The following CAST variants were observed in gnomAD, a reference collection of about 807,000 sequenced individuals.
CAST encodes the protein MIR583 host.
In CAST, 76 loss-of-function variants were observed where a neutral mutation model predicts 119.6. That is an observed-to-expected ratio of 0.64 (90% confidence interval 0.53 to 0.77). CAST has a LOEUF of 0.77. CAST is among the 30% of genes least tolerant of loss of function. The pLI is 0.00. For missense variants in CAST, 953 were observed against 946.5 expected (o/e 1.01, Z -0.09); for synonymous variants, 319 against 331.6 (o/e 0.96, Z 0.41).
the CAST span, among the ~76,000 whole-genome samples, chr5:96,109,966 T>G: frequency 6.6e-6 from 1 of 152,110 alleles, no homozygotes; most frequent in Non-Finnish European, 1.5e-5. Context: ...AGCACCGCTT[T>G]TAGAAGAAAT....
chr5:95,989,777 A>T, the CAST span, among the ~76,000 whole-genome samples: 6 of 152,290 alleles, frequency 3.9e-5, no homozygotes, highest in East Asian at 1.2e-3. Context: ...GATTTAGTAG[A>T]TAATTATCAG....
chr5:96,014,025 C>T, the CAST span, among the ~76,000 whole-genome samples: 3 of 151,814 alleles, frequency 2.0e-5, no homozygotes, highest in East Asian at 1.9e-4. Context: ...ACTTTGTAAA[C>T]TTTTAATTTT....
In CAST at chr5:96,621,608, A is replaced by G. The variant is rs374422894; in HGVS notation, c.61-53931A>G. On this transcript the variant is annotated intron_variant, in intron 1 of 11. Coordinates refer to the CAST transcript ENST00000505143. ...ACTCACTCAGTATCATGAGAACAGCATGAAGGAAACTGCTCCCGTGAGCCA... is the reference window on the plus strand; with the variant it reads ...ACTCACTCAGTATCATGAGAACAGCGTGAAGGAAACTGCTCCCGTGAGCCA... 5.6e-4 allele frequency among the ~76,000 whole-genome samples: 86 copies of G among 152,324 alleles called. No homozygotes were observed. In the South Asian group the frequency reaches 0.018, roughly 31 times the overall value.
intron 2 of CAST, among the ~76,000 whole-genome samples, chr5:96,678,277 G>A (rs1750937243): frequency 6.6e-6 from 1 of 152,096 alleles, no homozygotes; most frequent in Non-Finnish European, 1.5e-5. Flanking sequence ...TTTCAAACTG[G>A]CATGTACCCT....
chr5:96,483,466 CA>C, the CAST span, among the ~76,000 whole-genome samples: 33 of 152,192 alleles, frequency 2.2e-4, no homozygotes, highest in African/African-American at 7.7e-4. Flanking sequence ...GGCCATCTCA[CA>C]AAAGTGAGGT....
At chr5:96,495,122 C>CAAA in the CAST span, among the ~76,000 whole-genome samples, 1,280 of 50,708 alleles carry the variant, frequency 0.025, 27 homozygotes, top group African/African-American at 0.068. Context: ...GAGACTGTCT[C>CAAA]AAAAAAAAAA....
chr5:96,237,534 A>T, the CAST span, among the ~76,000 whole-genome samples: 1 of 152,202 alleles, frequency 6.6e-6, no homozygotes, highest in African/African-American at 2.4e-5. Flanking sequence ...GAAAGTTTCT[A>T]TAATTTGTAT....
chr5:96,435,611 C>T, the CAST span, among the ~76,000 whole-genome samples: 1 of 152,096 alleles, frequency 6.6e-6, no homozygotes, highest in Non-Finnish European at 1.5e-5. Flanking sequence ...TTGGAAGAGC[C>T]AATTATCACC....
At chr5:96,585,187 T>C (rs1168314037) in intron 1 of CAST, among the ~76,000 whole-genome samples, 1 of 152,190 alleles carries the variant, frequency 6.6e-6, no homozygotes, top group East Asian at 1.9e-4. Context: ...TAATCGGACT[T>C]TACGTCCTGA....
chr5:96,573,588 T>C (rs1746610465), intron 1 of CAST, among the ~76,000 whole-genome samples: 1 of 151,960 alleles, frequency 6.6e-6, no homozygotes, highest in South Asian at 2.1e-4. Context: ...TGCAGTGAGC[T>C]ATGATCATGC....
At chr5:96,383,981 G>C in the CAST span, among the ~76,000 whole-genome samples, 73 of 152,154 alleles carry the variant, frequency 4.8e-4, no homozygotes, top group African/African-American at 1.6e-3. Flanking sequence ...GTAGGAGGCC[G>C]ACCTGAGTTT....
At chr5:96,081,193 C>T in the CAST span, among the ~76,000 whole-genome samples, 4 of 152,198 alleles carry the variant, frequency 2.6e-5, no homozygotes. Flanking sequence ...GACTCTCTGC[C>T]TTGTCCTTTC....
At chr5:96,505,207 C>T in the CAST span, among the ~76,000 whole-genome samples, 3 of 152,200 alleles carry the variant, frequency 2.0e-5, no homozygotes, top group South Asian at 2.1e-4. Flanking sequence ...AATAAAACCA[C>T]GCCTCATTTT....
At chr5:96,735,589 G>A (rs116496236) in intron 9 of CAST, among the ~76,000 whole-genome samples, 2,700 of 152,330 alleles carry the variant, frequency 0.018, 63 homozygotes, top group African/African-American at 0.06. Context: ...GGTGCCGAAA[G>A]GTGGCAATGG....
At chr5:96,259,482 A>G in the CAST span, among the ~76,000 whole-genome samples, 1 of 152,346 alleles carries the variant, frequency 6.6e-6, no homozygotes, top group South Asian at 2.1e-4. Flanking sequence ...AAAACAAGCT[A>G]GCATAGGTCA....
the CAST span, among the ~76,000 whole-genome samples, chr5:96,262,332 AAC>A: frequency 6.6e-6 from 1 of 152,052 alleles, no homozygotes; most frequent in South Asian, 2.1e-4. Flanking sequence ...ACCGAGGAAA[AAC>A]AGACTATTCT....
chr5:96,062,707 AC>A, the CAST span, among the ~76,000 whole-genome samples: 1 of 152,158 alleles, frequency 6.6e-6, no homozygotes, highest in African/African-American at 2.4e-5. Flanking sequence ...GGCTGCTGCT[AC>A]CCAATGGGGG....
chr5:96,167,843 C>T, the CAST span, among the ~76,000 whole-genome samples: 96 of 152,242 alleles, frequency 6.3e-4, no homozygotes, highest in African/African-American at 1.9e-3. Flanking sequence ...GTCAATTTGC[C>T]GGTCCTGGGC....
At chr5:96,452,752 C>T in the CAST span, among the ~76,000 whole-genome samples, 15 of 143,940 alleles carry the variant, frequency 1.0e-4, no homozygotes, top group Admixed American at 1.4e-4. Flanking sequence ...AGATCGAGAC[C>T]ATCCTGGCTA....
Sources: allele counts gnomAD v4.1 joint callset (sites outside exome capture counted in the v4.1 genomes callset), GRCh38; gene constraint gnomAD v4.1.1; transcripts MANE v1.5; gene names NCBI Gene and HGNC (gene_info 2026-07-23, HGNC 2026-07-21).